The following SIRT5 variants were observed in gnomAD, a reference collection of about 807,000 sequenced individuals.
SIRT5 encodes NAD-dependent protein deacylase sirtuin-5, mitochondrial.
SIRT5 carries 26 observed loss-of-function variants against 40.0 expected under a neutral mutation model. That is an observed-to-expected ratio of 0.65 (90% CI 0.48 to 0.90). The LOEUF is 0.90. Among genes scored for constraint, SIRT5 ranks in the 40% least tolerant of loss-of-function variants. The pLI is 0.00. For missense variants in SIRT5, 401 were observed against 402.4 expected (o/e 1.00, Z 0.03); for synonymous variants, 146 against 149.1 (o/e 0.98, Z 0.15).
rs1246476986 is a variant in SIRT5 at position 13,614,066 on chromosome 6, G to A, written c.*2201G>A. 6.6e-6 allele frequency: 1 copy of A among 152,030 alleles called. No individual in the cohort carries two copies. The highest frequency in any genetic ancestry group is 1.5e-5 in the Non-Finnish European group (1 of 68,018). The allele number at this position is 152,030 out of a possible 1,614,324, so 9.4% of individuals were successfully genotyped here. A position where few individuals can be genotyped will look rare whatever the true frequency, so the allele number is the denominator to read the frequency against. ...ATTGAGAATTGCTTCTAAAACAGAA[G>A]ACATGAAAAGAGAATTAAAAATACA... On this transcript the variant is annotated 3_prime_UTR_variant, in exon 10 of 10. Transcript: ENST00000606117.
chr6:13,574,453 T>G (rs752182404), upstream of SIRT5: 1 of 151,280 alleles, frequency 6.6e-6, no homozygotes, highest in East Asian at 2.0e-4. Context: ...GTGGCACCGG[T>G]CCGCGGTGCG....
rs368756656 is a variant in SIRT5 at position 13,611,739 on chromosome 6, A to G, written c.858-51A>G. The stretch of plus-strand genomic sequence containing the variant: ...AAGTGCTTGCTGAAGTAGGGCATTC[A>G]TTTTGCTAACCTGTAGTTCAAAACT... On this transcript the variant is annotated intron_variant, in intron 9 of 9. Transcript: ENST00000606117. 2.7e-5 allele frequency: 37 copies of G among 1,358,882 alleles called. No homozygotes were observed. In the African/African-American group the frequency reaches 3.6e-4, roughly 13 times the overall value. The allele number at this position is 1,358,882 out of a possible 1,614,324, so 84.2% of individuals were successfully genotyped here.
At chr6:13,606,041 A>C (rs1433601349) in intron 9 of SIRT5, among the ~76,000 whole-genome samples, 1 of 152,250 alleles carries the variant, frequency 6.6e-6, no homozygotes, top group African/African-American at 2.4e-5. Context: ...CCAAGGAAAG[A>C]TTATATTCTA....
In SIRT5 at chr6:13,614,327, C is replaced by G. The variant is rs977261113; in HGVS notation, c.*2462C>G. 6.6e-6 allele frequency: 1 copy of G among 152,146 alleles called. No individual in the cohort carries two copies. Among genetic ancestry groups the G allele is most frequent in the African/African-American group, 2.4e-5 (1 of 41,418 alleles). The allele number at this position is 152,146 out of a possible 1,614,324, so 9.4% of individuals were successfully genotyped here. A position where few individuals can be genotyped will look rare whatever the true frequency, so the allele number is the denominator to read the frequency against. On this transcript the variant is annotated 3_prime_UTR_variant, in exon 10 of 10. Coordinates refer to ENST00000606117, the MANE Select transcript of SIRT5 (RefSeq NM_012241.5). ...AGTGGGATGGGGTAGGGGTAAGGTG[C>G]TTGAAATTTGCCTGGGTGGGAATTT...
chr6:13,591,859 G>A lies in SIRT5; in HGVS notation c.440G>A (p.Arg147His), dbSNP rs200249177. Residue 147 changes from arginine (R) to histidine (H), a missense_variant, in exon 5 of 10, where the codon CGC becomes CAC. Transcript: ENST00000606117. ...ACCCAGAACATCGATGAGCTGCACCGCAAGGCTGGCACCAAGAACCTTCTG... is the reference window on the plus strand; with the variant it reads ...ACCCAGAACATCGATGAGCTGCACCACAAGGCTGGCACCAAGAACCTTCTG... ...VITQNIDELHRKAGTKNLLEI... is the reference protein window; with the variant it reads ...VITQNIDELHHKAGTKNLLEI... The A allele has an allele frequency of 4.8e-5, 77 of 1,613,854 alleles. No individual in the cohort carries two copies. The highest frequency in any genetic ancestry group is 3.1e-4 in the East Asian group (14 of 44,884).
chr6:13,587,231 G>T (rs1355584686), intron 3 of SIRT5, among the ~76,000 whole-genome samples: 1 of 152,214 alleles, frequency 6.6e-6, no homozygotes, highest in Non-Finnish European at 1.5e-5. Flanking sequence ...TCTCCAGGGG[G>T]AGGGCAGAAA....
chr6:13,584,375 G>T, intron 3 of SIRT5, 150 bp downstream of exon 3: 1 of 649,340 alleles, frequency 1.5e-6, no homozygotes, highest in Non-Finnish European at 2.7e-6. Context: ...TTTTTGAGAC[G>T]GAGTCTTGCT....
At chr6:13,580,331 C>T (rs1759176138) in intron 2 of SIRT5, among the ~76,000 whole-genome samples, 1 of 152,150 alleles carries the variant, frequency 6.6e-6, no homozygotes, top group African/African-American at 2.4e-5. Flanking sequence ...TCATATTACT[C>T]CTTACGCACT....
chr6:13,599,003 G>C (rs1761997131), intron 7 of SIRT5, 29 bp from the exon 8 acceptor site: 2 of 1,611,926 alleles, frequency 1.2e-6, no homozygotes, highest in Non-Finnish European at 1.7e-6. Flanking sequence ...ACTTGGCTCG[G>C]GGTTGGCTTA....
At chr6:13,591,111 AGTGT>A (rs1336625936) in intron 4 of SIRT5, among the ~76,000 whole-genome samples, 4 of 149,170 alleles carry the variant, frequency 2.7e-5, no homozygotes, top group South Asian at 4.3e-4. Context: ...AGATATGTGT[AGTGT>A]GTATGTATAT....
intron 9 of SIRT5, among the ~76,000 whole-genome samples, chr6:13,606,096 C>T (rs1286443422): frequency 6.6e-6 from 1 of 152,248 alleles, no homozygotes; most frequent in African/African-American, 2.4e-5. Context: ...GGTACACATT[C>T]TACAGCACGT....
chr6:13,609,900 T>C (rs1181633780), intron 9 of SIRT5, among the ~76,000 whole-genome samples: 1 of 152,216 alleles, frequency 6.6e-6, no homozygotes, highest in Admixed American at 6.5e-5. Flanking sequence ...AATTGTAATC[T>C]TCAGTGTTGT....
At chr6:13,604,339 C>G in intron 9 of SIRT5, 1 of 710,826 alleles carries the variant, frequency 1.4e-6, no homozygotes, top group Non-Finnish European at 2.5e-6. Context: ...CGTAGTAATA[C>G]CGGAGCTAGG....
intron 2 of SIRT5, among the ~76,000 whole-genome samples, chr6:13,583,128 C>A (rs1584752276): frequency 6.6e-6 from 1 of 152,148 alleles, no homozygotes; most frequent in South Asian, 2.1e-4. Context: ...ATCGCTGGAG[C>A]CCAGGAAGTC....
chr6:13,597,450 AAAAG>A (rs993165794), intron 7 of SIRT5, among the ~76,000 whole-genome samples: 3 of 151,972 alleles, frequency 2.0e-5, no homozygotes, highest in African/African-American at 4.8e-5. Flanking sequence ...AAAAAAAAAA[AAAAG>A]GAAGATTTTT....
In SIRT5 at chr6:13,614,245, G is replaced by C. The variant is rs938675922; in HGVS notation, c.*2380G>C. 2 of 152,220 alleles carry C rather than the reference G, an allele frequency of 1.3e-5. No homozygotes were observed. The highest frequency in any genetic ancestry group is 2.4e-5 in the African/African-American group (1 of 41,442). The allele number at this position is 152,220 out of a possible 1,614,324, so 9.4% of individuals were successfully genotyped here. A position where few individuals can be genotyped will look rare whatever the true frequency, so the allele number is the denominator to read the frequency against. On this transcript the variant is annotated 3_prime_UTR_variant, in exon 10 of 10. Coordinates refer to ENST00000606117, the MANE Select transcript of SIRT5 (RefSeq NM_012241.5). ...ACTGTCATATAAGCTGTTATGAAGT[G>C]CAGAAACTACACAGACATTTGTGCG... is the stretch of plus-strand genomic sequence containing the variant.
Position 13,584,147 on chromosome 6 carries a change from T to G in SIRT5, c.37T>G (p.Ser13Ala). ...CCAGATTGTCCCAAGTCGATTGATT[T>G]CCCAGCTATATTGTGGCCTGAAGCC... ...PLQIVPSRLI[S>A]QLYCGLKPPA... The change falls in exon 3 of 10, where the codon TCC becomes GCC. Residue 13 changes from serine to alanine, a missense_variant. Ser to Ala is a moderately conservative substitution (Grantham distance 99, BLOSUM62 1). Coordinates refer to ENST00000606117, the MANE Select transcript of SIRT5 (RefSeq NM_012241.5). 9 of 1,614,186 alleles carry G rather than the reference T, an allele frequency of 5.6e-6. No homozygotes were observed. The highest frequency in any genetic ancestry group is 7.6e-6 in the Non-Finnish European group (9 of 1,180,034).
At chr6:13,581,963 A>G (rs926170911) in intron 2 of SIRT5, among the ~76,000 whole-genome samples, 5 of 152,188 alleles carry the variant, frequency 3.3e-5, no homozygotes, top group African/African-American at 1.2e-4. Flanking sequence ...CACCTTTTAG[A>G]TAAGATCCAT....
chr6:13,577,605 A>T (rs1334808309), intron 1 of SIRT5, among the ~76,000 whole-genome samples: 1 of 149,886 alleles, frequency 6.7e-6, no homozygotes, highest in East Asian at 1.9e-4. Flanking sequence ...TGCTGATAAC[A>T]TCTTATATAT....
Sources: gnomAD v4.1 joint callset for allele counts (sites outside exome capture counted in the v4.1 genomes callset) on GRCh38, gnomAD v4.1.1 for gene constraint, MANE v1.5 for transcripts, NCBI Gene and HGNC (gene_info 2026-07-23, HGNC 2026-07-21) for gene names.